The following TMEM87B variants were observed in gnomAD, a reference collection of about 807,000 sequenced individuals.
The protein encoded by TMEM87B is transmembrane protein 87B.
In TMEM87B, 83 loss-of-function variants were observed where a neutral mutation model predicts 80.3. The ratio of observed to expected loss-of-function variants is 1.03; its 90% CI spans 0.87 to 1.24. TMEM87B has a LOEUF of 1.24. Among genes scored for constraint, TMEM87B ranks in the 50% most tolerant of loss-of-function variants. The pLI, the probability that TMEM87B is intolerant of heterozygous loss-of-function variation, is 0.00. For missense variants in TMEM87B, 625 were observed against 674.4 expected (o/e 0.93, Z 0.81); for synonymous variants, 219 against 230.5 (o/e 0.95, Z 0.45).
At chr2:112,074,172 G>T (rs1225421556) in intron 4 of TMEM87B, among the ~76,000 whole-genome samples, 2 of 152,248 alleles carry the variant, frequency 1.3e-5, no homozygotes, top group Non-Finnish European at 2.9e-5. Context: ...AGTGTCACTG[G>T]TTTGTATACT....
At chr2:112,077,461 A>AT (rs1371313727) in intron 6 of TMEM87B, among the ~76,000 whole-genome samples, 179 bp downstream of exon 6, 2 of 152,298 alleles carry the variant, frequency 1.3e-5, no homozygotes, top group South Asian at 2.1e-4. Flanking sequence ...GCTACTATTT[A>AT]TTTTTTAATT....
At chr2:112,066,303 C>T (rs945097407) in intron 3 of TMEM87B, among the ~76,000 whole-genome samples, 1 of 152,188 alleles carries the variant, frequency 6.6e-6, no homozygotes, top group East Asian at 1.9e-4. Flanking sequence ...TGTCAGTCAT[C>T]AGGTCGGACT....
intron 13 of TMEM87B, among the ~76,000 whole-genome samples, chr2:112,097,670 A>ACCACTG (rs1449686805): frequency 7.6e-6 from 1 of 131,234 alleles, no homozygotes; most frequent in Middle Eastern, 5.1e-3. Context: ...CTGAGATTGC[A>ACCACTG]CCACTGCACC....
Position 112,116,240 on chromosome 2 carries a change from T to C in TMEM87B, c.*97T>C. On this transcript the variant is annotated 3_prime_UTR_variant, in exon 19 of 19. Coordinates refer to ENST00000283206, the MANE Select transcript of TMEM87B (RefSeq NM_032824.3). ...TTTGATATTGCCTAAAAATTTTTAT[T>C]GTGTTATCTTGGAAGTCTGTGTATC... 2.9e-6 allele frequency: 3 copies of C among 1,039,730 alleles called. 1 individual carries two copies. The highest frequency in any genetic ancestry group is 4.6e-4 in the Middle Eastern group (2 of 4,340). 64.4% of individuals were successfully genotyped at this position (1,039,730 alleles called of 1,614,324 possible). A position where few individuals can be genotyped will look rare whatever the true frequency, so the allele number is the denominator to read the frequency against.
In TMEM87B at chr2:112,055,475, C is replaced by T. The variant is rs1235118906; in HGVS notation, c.-117C>T. On this transcript the variant is annotated 5_prime_UTR_variant, in exon 1 of 19. Coordinates refer to ENST00000283206, the MANE Select transcript of TMEM87B (RefSeq NM_032824.3). ...CCAGGCCCAAGCGCGAGCCCCTCCT[C>T]CACACCCGAGTCCGAGCCCCGCGTC... 6 of 1,244,946 alleles carry T rather than the reference C, an allele frequency of 4.8e-6. No homozygotes were observed. Among genetic ancestry groups the T allele is most frequent in the Non-Finnish European group, 5.3e-6 (5 of 949,748 alleles). 77.1% of individuals were successfully genotyped at this position (1,244,946 alleles called of 1,614,324 possible).
At chr2:112,073,851 C>T (rs1678731811) in intron 4 of TMEM87B, among the ~76,000 whole-genome samples, 1 of 152,080 alleles carries the variant, frequency 6.6e-6, no homozygotes, top group Non-Finnish European at 1.5e-5. Flanking sequence ...ACATAATGCC[C>T]TTCTGTGTCT....
intron 11 of TMEM87B, among the ~76,000 whole-genome samples, chr2:112,096,142 C>G (rs1227238859): frequency 6.6e-6 from 1 of 152,198 alleles, no homozygotes; most frequent in Non-Finnish European, 1.5e-5. Flanking sequence ...CACAGACCCT[C>G]TGAGTTCCCA....
At chr2:112,095,313 A>G (rs1183201166) in intron 11 of TMEM87B, 1 of 981,926 alleles carries the variant, frequency 1.0e-6, no homozygotes, top group African/African-American at 1.8e-5. Flanking sequence ...TCCTTTTCCT[A>G]CCACAGCAGC....
intron 14 of TMEM87B, 51 bp downstream of exon 14, chr2:112,098,749 T>C (rs373195971): frequency 1.4e-4 from 211 of 1,544,200 alleles, no homozygotes; most frequent in Admixed American, 4.0e-4. Flanking sequence ...GATCACCTTC[T>C]ATAGTGTCAA....
At position 112,098,656 on chromosome 2, in the gene TMEM87B, T is replaced by C. The variant is rs1435576718; in HGVS notation, c.1334T>C (p.Ile445Thr). 6 of 1,614,044 alleles carry C rather than the reference T, an allele frequency of 3.7e-6. No homozygotes were observed. The highest frequency in any genetic ancestry group is 1.6e-4 in the Middle Eastern group (1 of 6,084). Residue 445 changes from isoleucine to threonine, a missense_variant, in exon 14 of 19, where the codon ATT becomes ACT. Coordinates refer to ENST00000283206, the MANE Select transcript of TMEM87B (RefSeq NM_032824.3). ...FWSFLFSLIL[I>T]VIMFLWRPSA... ...AGCTTCCTTTTTTCGCTTATCCTTA[T>C]TGTAATCATGTTTTTGTGGAGACCA...
Position 112,055,664 on chromosome 2 carries a change from C to G in TMEM87B, c.73C>G (p.Leu25Val), listed in dbSNP as rs752309698. The G allele has an allele frequency of 1.3e-6, 2 of 1,583,368 alleles. No individual in the cohort carries two copies. The highest frequency in any genetic ancestry group is 1.7e-6 in the Non-Finnish European group (2 of 1,167,922). Residue 25 changes from leucine to valine, a missense_variant, in exon 1 of 19, where the codon CTG becomes GTG. By Grantham distance (32) the Leu-to-Val change is conservative. Transcript: ENST00000283206. ...RRRCFPARAP[L>V]LRVALCLLCW... is the part of the protein sequence containing the mutation. Reference sequence around the variant, plus strand: ...CCGCTGCTTTCCCGCCCGGGCCCCGCTGCTGCGCGTCGCCCTCTGCCTCCT... The same window carrying G: ...CCGCTGCTTTCCCGCCCGGGCCCCGGTGCTGCGCGTCGCCCTCTGCCTCCT...
intron 17 of TMEM87B, 70 bp from the exon 18 acceptor site, chr2:112,112,829 A>G: frequency 6.9e-7 from 1 of 1,449,804 alleles, no homozygotes; most frequent in Non-Finnish European, 9.6e-7. Flanking sequence ...ATGTGCCTGT[A>G]TTCGGCTTTC....
intron 13 of TMEM87B, among the ~76,000 whole-genome samples, chr2:112,097,712 C>CAAAAAAA: frequency 1.7e-5 from 1 of 57,246 alleles, no homozygotes; most frequent in South Asian, 8.7e-4. Context: ...GACTCCATCT[C>CAAAAAAA]AAAAAAAAAA....
chr2:112,077,435 ATTAAG>A (rs759952380), intron 6 of TMEM87B, among the ~76,000 whole-genome samples, 153 bp downstream of exon 6: 29 of 152,374 alleles, frequency 1.9e-4, no homozygotes, highest in East Asian at 1.7e-3. Context: ...AAAATGTAAC[ATTAAG>A]TTATCTTATT....
chr2:112,083,209 T>C (rs888716860), intron 8 of TMEM87B, among the ~76,000 whole-genome samples: 2 of 152,206 alleles, frequency 1.3e-5, no homozygotes. Context: ...GAAGATGTAG[T>C]AAACTTAGTA....
At chr2:112,056,031 G>A (rs1025736568) in intron 1 of TMEM87B, among the ~76,000 whole-genome samples, 1 of 152,154 alleles carries the variant, frequency 6.6e-6, no homozygotes, top group Non-Finnish European at 1.5e-5. Context: ...CACCATGCCC[G>A]ACGCCGTGGC....
At chr2:112,085,144 C>T (rs1257161414) in intron 8 of TMEM87B, among the ~76,000 whole-genome samples, 3 of 152,250 alleles carry the variant, frequency 2.0e-5, no homozygotes, top group South Asian at 2.1e-4. Flanking sequence ...TGACTTCCCA[C>T]TGCCCTTAAC....
Position 112,100,702 on chromosome 2 carries a change from A to T in TMEM87B, c.1450+7A>T. On this transcript the variant is annotated splice_region_variant and intron_variant, in intron 15 of 18. Coordinates refer to ENST00000283206, the MANE Select transcript of TMEM87B (RefSeq NM_032824.3). ...GTAACTTCTGAAAATTTAAGTGAGT[A>T]ATATGTTTTCTTTTTAAATGACCAT... 1 of 1,566,764 alleles carries T rather than the reference A, an allele frequency of 6.4e-7. No individual in the cohort carries two copies. Among genetic ancestry groups the T allele is most frequent in the Non-Finnish European group, 8.8e-7 (1 of 1,139,050 alleles).
intron 2 of TMEM87B, among the ~76,000 whole-genome samples, chr2:112,062,448 C>CA (rs1488041080): frequency 6.6e-6 from 1 of 152,134 alleles, no homozygotes. Context: ...GATAGAAACT[C>CA]AAAGAAAGTT....
Sources: allele counts gnomAD v4.1 joint callset (sites outside exome capture counted in the v4.1 genomes callset), GRCh38; gene constraint gnomAD v4.1.1; transcripts MANE v1.5; gene names NCBI Gene and HGNC (gene_info 2026-07-23, HGNC 2026-07-21).